ZHX2: variants seen among roughly 807,000 people sequenced by gnomAD.
The protein encoded by ZHX2 is zinc fingers and homeoboxes protein 2.
Under a neutral mutation model 21.9 loss-of-function variants are expected in ZHX2, and 6 were observed. That is an observed-to-expected ratio of 0.27 (90% CI 0.15 to 0.54). The LOEUF (loss-of-function observed/expected upper bound fraction) is 0.54, where lower values mean the gene tolerates loss of function less well. ZHX2 is among the 20% of genes least tolerant of loss of function. ZHX2 has a pLI of 0.95. For missense variants in ZHX2, 908 were observed against 1,090.7 expected (o/e 0.83, Z 2.36); for synonymous variants, 434 against 437.1 (o/e 0.99, Z 0.09).
intron 3 of ZHX2, among the ~76,000 whole-genome samples, chr8:122,960,056 G>A (rs1246545993): frequency 6.6e-6 from 1 of 152,148 alleles, no homozygotes; most frequent in Admixed American, 6.5e-5. Context: ...GGCTCTGGAA[G>A]GCAGTGTGCC....
At chr8:122,821,644 G>A (rs540845048) in intron 1 of ZHX2, among the ~76,000 whole-genome samples, 4 of 152,132 alleles carry the variant, frequency 2.6e-5, no homozygotes, top group East Asian at 1.9e-4. Context: ...AGGTGAGAGC[G>A]GGTAGACATT....
chr8:122,853,223 A>G (rs751870870), intron 1 of ZHX2, among the ~76,000 whole-genome samples: 2 of 152,052 alleles, frequency 1.3e-5, no homozygotes, highest in Admixed American at 1.3e-4. Flanking sequence ...CATCATCATG[A>G]TACTCTCCAT....
At chr8:122,809,685 T>G (rs1315757110) in intron 1 of ZHX2, among the ~76,000 whole-genome samples, 1 of 152,108 alleles carries the variant, frequency 6.6e-6, no homozygotes, top group Non-Finnish European at 1.5e-5. Flanking sequence ...AACCACACCC[T>G]TGCCCCACTT....
At chr8:122,810,335 G>C (rs1653221768) in intron 1 of ZHX2, 4 of 152,224 alleles carry the variant, frequency 2.6e-5, no homozygotes, top group African/African-American at 7.2e-5. Context: ...ACAATGTAGG[G>C]AGAATGCTTG....
intron 2 of ZHX2, among the ~76,000 whole-genome samples, chr8:122,905,688 G>A (rs1232441864): frequency 3.3e-5 from 5 of 152,208 alleles, no homozygotes; most frequent in Admixed American, 3.3e-4. Flanking sequence ...AGAAGGAAGA[G>A]AGGAATGACT....
chr8:122,968,655 A>G (rs1004087877), intron 3 of ZHX2, among the ~76,000 whole-genome samples: 5 of 152,122 alleles, frequency 3.3e-5, no homozygotes, highest in Admixed American at 6.5e-5. Context: ...CCTGGCCAAC[A>G]TGGTGAAACC....
chr8:122,922,747 G>A (rs954370078), intron 2 of ZHX2, among the ~76,000 whole-genome samples: 1 of 152,228 alleles, frequency 6.6e-6, no homozygotes, highest in Admixed American at 6.5e-5. Context: ...GTACTTGGGT[G>A]TATTGCTCAA....
chr8:122,875,542 G>A (rs1430847733), intron 2 of ZHX2, among the ~76,000 whole-genome samples: 1 of 152,112 alleles, frequency 6.6e-6, no homozygotes, highest in Non-Finnish European at 1.5e-5. Context: ...TTCCCACAGT[G>A]GTGACTTTCA....
intron 1 of ZHX2, among the ~76,000 whole-genome samples, chr8:122,819,160 A>G (rs1473734989): frequency 6.6e-6 from 1 of 152,216 alleles, no homozygotes; most frequent in Non-Finnish European, 1.5e-5. Flanking sequence ...CCAAAGTAAC[A>G]ATGAAGACCC....
chr8:122,899,610 C>T (rs898732668), intron 2 of ZHX2, among the ~76,000 whole-genome samples: 9 of 152,130 alleles, frequency 5.9e-5, no homozygotes, highest in African/African-American at 1.4e-4. Flanking sequence ...AGAGAAATGC[C>T]GTCATGAGTT....
rs541239035 is a variant in ZHX2, at chr8:122,949,581, C to T, written c.-219-1711C>T. 4.6e-4 allele frequency among the ~76,000 whole-genome samples: 70 copies of T among 151,814 alleles called. 4 individuals carry two copies. In the South Asian group the frequency reaches 0.014, roughly 30 times the overall value. ...AGTCTTCTTGGCCAGGCATGGCTCACACCCATGATCCCAGCACTTTGGGAG... is the reference window on the plus strand; with the variant it reads ...AGTCTTCTTGGCCAGGCATGGCTCATACCCATGATCCCAGCACTTTGGGAG... On this transcript the variant is annotated intron_variant, in intron 2 of 3. Transcript: ENST00000314393.
rs146351736 is a variant in ZHX2, at chr8:122,951,946, C to T, written c.436C>T (p.Arg146Cys). The part of the protein sequence containing the change: ...EANFKLKLIK[R>C]NNQTVLEQSI... ...CAACTTCAAGCTGAAGTTAATTAAACGCAATAATCAAACTGTCTTGGAACA... is the reference window on the plus strand; with the variant it reads ...CAACTTCAAGCTGAAGTTAATTAAATGCAATAATCAAACTGTCTTGGAACA... The change falls in exon 3 of 4, where the codon CGC becomes TGC. Residue 146 changes from arginine (R) to cysteine (C), a missense_variant. Physicochemically the swap from Arg to Cys is radical, Grantham distance 180. Coordinates refer to ENST00000314393, the MANE Select transcript of ZHX2 (RefSeq NM_014943.5). The T allele has an allele frequency of 5.9e-5, 95 of 1,614,016 alleles. No homozygotes were observed. The highest frequency in any genetic ancestry group is 1.0e-4 in the Admixed American group (6 of 60,010).
At chr8:122,856,691 G>A (rs1401011941) in intron 1 of ZHX2, among the ~76,000 whole-genome samples, 3 of 152,096 alleles carry the variant, frequency 2.0e-5, no homozygotes, top group Non-Finnish European at 4.4e-5. Flanking sequence ...AGGTACCTGG[G>A]AGAATGTTTC....
At chr8:122,962,299 C>T (rs1813476651) in intron 3 of ZHX2, among the ~76,000 whole-genome samples, 1 of 152,192 alleles carries the variant, frequency 6.6e-6, no homozygotes, top group African/African-American at 2.4e-5. Flanking sequence ...CCTGAAGTCC[C>T]CAGAGTCTAT....
chr8:122,812,179 G>A (rs1817944750), intron 1 of ZHX2, among the ~76,000 whole-genome samples: 1 of 152,176 alleles, frequency 6.6e-6, no homozygotes, highest in South Asian at 2.1e-4. Flanking sequence ...CCTAAGGCAG[G>A]AGCGTGCCTG....
chr8:122,795,605 G>A (rs1817599936), intron 1 of ZHX2, among the ~76,000 whole-genome samples: 1 of 147,744 alleles, frequency 6.8e-6, no homozygotes, highest in East Asian at 1.9e-4. Flanking sequence ...ATGGTGGTAG[G>A]AAGGCAGGAT....
At chr8:122,802,142 C>T (rs28577263) in intron 1 of ZHX2, among the ~76,000 whole-genome samples, 137 of 152,316 alleles carry the variant, frequency 9.0e-4, no homozygotes, top group Non-Finnish European at 1.6e-3. Context: ...CAGCTCACTA[C>T]AGCCTCCACC....
intron 1 of ZHX2, among the ~76,000 whole-genome samples, chr8:122,834,392 C>T (rs927501211): frequency 2.0e-5 from 3 of 152,218 alleles, no homozygotes; most frequent in African/African-American, 7.2e-5. Flanking sequence ...GGGGCACGGC[C>T]TGGTGCGCTT....
At chr8:122,914,291 C>G (rs574366677) in intron 2 of ZHX2, among the ~76,000 whole-genome samples, 2 of 152,256 alleles carry the variant, frequency 1.3e-5, no homozygotes, top group South Asian at 4.1e-4. Flanking sequence ...GTGTACTAAG[C>G]CAGAAGGGAC....
Sources: gnomAD v4.1 joint callset for allele counts (sites outside exome capture counted in the v4.1 genomes callset) on GRCh38, gnomAD v4.1.1 for gene constraint, MANE v1.5 for transcripts, NCBI Gene and HGNC (gene_info 2026-07-23, HGNC 2026-07-21) for gene names.